ASTN1: variants seen among roughly 807,000 people sequenced by gnomAD.
ASTN1 encodes the protein astrotactin-1.
In ASTN1, 41 loss-of-function variants were observed where a neutral mutation model predicts 140.7. The observed-to-expected ratio is 0.29, with a 90% CI of 0.23 to 0.38. The LOEUF (loss-of-function observed/expected upper bound fraction) is 0.38, where lower values mean the gene tolerates loss of function less well. Ranked by LOEUF, ASTN1 falls within the 10% of genes least tolerant of loss-of-function variation. ASTN1 has a pLI of 1.00. For synonymous variants in ASTN1, 640 were observed against 652.2 expected (o/e 0.98, Z 0.29); for missense variants, 1,479 against 1,678.8 (o/e 0.88, Z 2.08).
chr1:177,159,517 C>G (rs1647230164), intron 1 of ASTN1, among the ~76,000 whole-genome samples: 1 of 152,218 alleles, frequency 6.6e-6, no homozygotes, highest in African/African-American at 2.4e-5. Context: ...TGTTTCCTAT[C>G]AGGCCAAAGC....
intron 8 of ASTN1, among the ~76,000 whole-genome samples, chr1:177,009,023 C>T (rs1040885699): frequency 1.3e-5 from 2 of 152,160 alleles, no homozygotes; most frequent in African/African-American, 2.4e-5. Context: ...TCCTATGTCA[C>T]AGCAGACTGT....
intron 14 of ASTN1, among the ~76,000 whole-genome samples, chr1:176,938,402 A>C (rs1240292036): frequency 2.6e-5 from 4 of 152,236 alleles, no homozygotes; most frequent in African/African-American, 9.6e-5. Flanking sequence ...CCACTAAATA[A>C]AAATTTTTCA....
rs753074878 is a variant in ASTN1, at chr1:176,882,966, G to A, written c.3255C>T (p.Ile1085=). 112 of 1,614,058 alleles carry A rather than the reference G, an allele frequency of 6.9e-5. No individual in the cohort carries two copies. Among genetic ancestry groups the A allele is most frequent in the Non-Finnish European group, 9.3e-5 (110 of 1,180,036 alleles). ...CACAAGGAGACTTTGCTCCAGAGAT[G>A]ATGTCGTCCACAAAGCTCAGCACTG... The part of the protein sequence containing the change: ...TETVLSFVDD[I]ISGAKSPCAM... Residue 1085 remains isoleucine (I), a synonymous_variant, in exon 20 of 23, where the codon ATC becomes ATT. Transcript: ENST00000361833.
At chr1:177,012,097 A>G (rs1460913851) in intron 8 of ASTN1, among the ~76,000 whole-genome samples, 1 of 152,222 alleles carries the variant, frequency 6.6e-6, no homozygotes, top group Non-Finnish European at 1.5e-5. Context: ...AATTAAATAA[A>G]ATATTCAGGA....
At chr1:177,054,201 C>T (rs906008228) in intron 2 of ASTN1, among the ~76,000 whole-genome samples, 1 of 152,176 alleles carries the variant, frequency 6.6e-6, no homozygotes, top group African/African-American at 2.4e-5. Context: ...GCCTGTTATG[C>T]TCAGTCCCCT....
At chr1:177,065,113 C>T (rs1291212175) in intron 1 of ASTN1, among the ~76,000 whole-genome samples, 1 of 152,170 alleles carries the variant, frequency 6.6e-6, no homozygotes, top group Non-Finnish European at 1.5e-5. Flanking sequence ...GTCGAGGAGG[C>T]TCAGATAGAA....
chr1:176,884,503 A>G lies in ASTN1; in HGVS notation c.3075-13T>C. 6.3e-7 allele frequency: 1 copy of G among 1,594,184 alleles called. No homozygotes were observed. Among genetic ancestry groups the G allele is most frequent in the Non-Finnish European group, 8.6e-7 (1 of 1,164,354 alleles). ...GGAGAGTCTCAGCCTGTGTGCAGACAGGAAGGAACATGAAACAGGGACACA... is the reference window on the plus strand; with the variant it reads ...GGAGAGTCTCAGCCTGTGTGCAGACGGGAAGGAACATGAAACAGGGACACA... On this transcript the variant is annotated splice_polypyrimidine_tract_variant and intron_variant, in intron 18 of 22. Coordinates refer to ENST00000361833, the MANE Select transcript of ASTN1 (RefSeq NM_004319.3).
intron 9 of ASTN1, among the ~76,000 whole-genome samples, chr1:176,958,845 C>T (rs1028582862): frequency 3.3e-5 from 5 of 152,208 alleles, no homozygotes; most frequent in Non-Finnish European, 7.3e-5. Context: ...TCCCACCGTC[C>T]CCATCCCATG....
At position 177,061,204 on chromosome 1, in the gene ASTN1, A is replaced by G; in HGVS notation, c.345T>C (p.Asn115=). The G allele has an allele frequency of 1.9e-6, 3 of 1,609,030 alleles. No individual in the cohort carries two copies. Among genetic ancestry groups the G allele is most frequent in the Middle Eastern group, 3.3e-4 (2 of 6,032 alleles). The change falls in exon 2 of 23, where the codon AAT becomes AAC. Residue 115 remains asparagine (N), a synonymous_variant. Coordinates refer to ENST00000361833, the MANE Select transcript of ASTN1 (RefSeq NM_004319.3). The part of the protein sequence containing the change: ...LVRWRQQWLE[N]GTLLFHIHHQ... ...GATGAATGTGAAAAAGCAAAGTGCC[A>G]TTCTCCAGCCACTGCTGCCTCCAGC...
At chr1:176,943,809 G>C in intron 14 of ASTN1, 82 bp downstream of exon 14, 1 of 1,464,594 alleles carries the variant, frequency 6.8e-7, no homozygotes, top group African/African-American at 1.4e-5. Flanking sequence ...ACCAAAATAA[G>C]TGAGGTCAAA....
intron 2 of ASTN1, among the ~76,000 whole-genome samples, chr1:177,046,242 C>A (rs1347559141): frequency 6.6e-6 from 1 of 152,166 alleles, no homozygotes; most frequent in Non-Finnish European, 1.5e-5. Flanking sequence ...TCTCAGTCAG[C>A]AAAGTATAAC....
intron 7 of ASTN1, among the ~76,000 whole-genome samples, chr1:177,021,905 A>C (rs1675842606): frequency 6.6e-6 from 1 of 152,186 alleles, no homozygotes; most frequent in Admixed American, 6.5e-5. Context: ...ATTTCTCCCA[A>C]GCATACTAGC....
intron 1 of ASTN1, among the ~76,000 whole-genome samples, chr1:177,115,473 A>AGG (rs1681039210): frequency 6.6e-6 from 1 of 152,044 alleles, no homozygotes; most frequent in East Asian, 1.9e-4. Context: ...GGAGTTCAAC[A>AGG]TGGTGAACCC....
At chr1:176,893,970 G>A (rs534341395) in intron 17 of ASTN1, among the ~76,000 whole-genome samples, 1 of 152,300 alleles carries the variant, frequency 6.6e-6, no homozygotes, top group South Asian at 2.1e-4. Context: ...AGGAGGAGTG[G>A]TTGGGAAATG....
At chr1:176,992,070 T>C (rs1275425146) in intron 8 of ASTN1, among the ~76,000 whole-genome samples, 3 of 152,210 alleles carry the variant, frequency 2.0e-5, no homozygotes, top group Non-Finnish European at 4.4e-5. Context: ...TCAAAGTCGT[T>C]AGTATGGTAT....
At position 176,879,235 on chromosome 1, in the gene ASTN1, T is replaced by C. The variant is rs79626271; in HGVS notation, c.3363-2598A>G. On this transcript the variant is annotated intron_variant, in intron 20 of 22. Coordinates refer to ENST00000361833, the MANE Select transcript of ASTN1 (RefSeq NM_004319.3). Reference sequence around the variant, plus strand: ...GTCTAGGCCCCTGTTCTGGTTTCCATTGCTGAGGTCCTGCCTGCCCAGTGC... The same window carrying C: ...GTCTAGGCCCCTGTTCTGGTTTCCACTGCTGAGGTCCTGCCTGCCCAGTGC... Among the ~76,000 whole-genome samples the C allele has an allele frequency of 7.8e-3, 1,192 of 152,296 alleles. 9 individuals are homozygous for C. The highest frequency in any genetic ancestry group is 0.012 in the Non-Finnish European group (817 of 68,026).
chr1:177,160,497 A>T (rs1558139397), intron 1 of ASTN1, among the ~76,000 whole-genome samples: 1 of 152,242 alleles, frequency 6.6e-6, no homozygotes, highest in Non-Finnish European at 1.5e-5. Context: ...ATCTTTCTTC[A>T]CTAAGTTGTA....
At chr1:177,103,470 C>T (rs1205905122) in intron 1 of ASTN1, among the ~76,000 whole-genome samples, 1 of 152,064 alleles carries the variant, frequency 6.6e-6, no homozygotes, top group African/African-American at 2.4e-5. Context: ...ACTGGGGAGG[C>T]TGGTAAGGGG....
intron 21 of ASTN1, among the ~76,000 whole-genome samples, chr1:176,872,991 G>A (rs1368298438): frequency 6.6e-6 from 1 of 152,210 alleles, no homozygotes; most frequent in African/African-American, 2.4e-5. Flanking sequence ...CCATGAGACA[G>A]GAGGTTTGGC....
Sources: allele counts gnomAD v4.1 joint callset (sites outside exome capture counted in the v4.1 genomes callset), GRCh38; gene constraint gnomAD v4.1.1; transcripts MANE v1.5; gene names NCBI Gene and HGNC (gene_info 2026-07-23, HGNC 2026-07-21).